The following SYNE1 variants were observed in gnomAD, a reference collection of about 807,000 sequenced individuals.
The protein encoded by SYNE1 is nesprin-1.
SYNE1 carries 616 observed loss-of-function variants against 1,111.0 expected under a neutral mutation model. That is an observed-to-expected ratio of 0.55 (90% CI 0.52 to 0.59). The LOEUF (loss-of-function observed/expected upper bound fraction) is 0.59, where lower values mean the gene tolerates loss of function less well. Among genes scored for constraint, SYNE1 ranks in the 20% least tolerant of loss-of-function variants. SYNE1 has a pLI of 0.00. For missense variants in SYNE1, 10,006 were observed against 10,417.0 expected, an observed-to-expected ratio of 0.96 and a Z score of 1.72; for synonymous variants, 3,855 against 3,825.8, an observed-to-expected ratio of 1.01 and a Z score of -0.28.
rs754506897 is a variant in SYNE1 at position 152,233,836 on chromosome 6, C to G, written c.20657G>C (p.Ser6886Thr). The change falls in exon 112 of 146, where the codon AGC becomes ACC. Residue 6886 changes from serine (S) to threonine (T), a missense_variant. Around this residue, in one of 7 missense-constraint regions of SYNE1, gnomAD observed 2,182 missense variants for 2,287.8 expected, o/e 0.95. Coordinates refer to ENST00000367255, the MANE Select transcript of SYNE1 (RefSeq NM_182961.4). Reference protein sequence around the residue: ...TLRSELSRIDSQWTDLLTNIP... With the variant: ...TLRSELSRIDTQWTDLLTNIP... ...ATTGGTTAGCAGGTCAGTCCACTGG[C>G]TATCAATGCGCGACAGCTCAGAGCG... is the stretch of plus-strand genomic sequence containing the variant. The G allele has an allele frequency of 3.7e-6, 6 of 1,614,214 alleles. No individual in the cohort carries two copies. The South Asian group carries it at 6.6e-5, about 18-fold the overall frequency.
intron 3 of SYNE1, among the ~76,000 whole-genome samples, chr6:152,619,893 A>G (rs1193011923): frequency 2.0e-5 from 3 of 152,162 alleles, no homozygotes; most frequent in African/African-American, 7.2e-5. Context: ...AATGGGCTCT[A>G]CATAAGGTAT....
intron 93 of SYNE1, among the ~76,000 whole-genome samples, chr6:152,299,609 T>G (rs1417918666): frequency 1.3e-5 from 2 of 152,060 alleles, no homozygotes; most frequent in African/African-American, 4.8e-5. Context: ...GAGTTGATAA[T>G]TTCCCTAGAG....
intron 11 of SYNE1, among the ~76,000 whole-genome samples, chr6:152,492,695 C>A (rs569278755): frequency 4.9e-4 from 75 of 152,350 alleles, no homozygotes; most frequent in Middle Eastern, 6.8e-3. Context: ...ACTGACACAG[C>A]CCAATCACCT....
At position 152,407,068 on chromosome 6, in the gene SYNE1, G is replaced by A. The variant is rs2097912384; in HGVS notation, c.6669C>T (p.Asn2223=). 1 of 1,613,544 alleles carries A rather than the reference G, an allele frequency of 6.2e-7. No homozygotes were observed. Among genetic ancestry groups the A allele is most frequent in the African/African-American group, 1.3e-5 (1 of 74,758 alleles). The change falls in exon 45 of 146, where the codon AAC becomes AAT. Residue 2223 remains asparagine (N), a synonymous_variant. Transcript: ENST00000367255. ...SNNCVPQMAE[N]ISNLDNHLRA... is the part of the protein sequence containing the mutation. The stretch of plus-strand genomic sequence containing the variant: ...TGAGGTGGTTATCCAGGTTGCTGAT[G>A]TTTTCTGCCATCTGTGGAACGCAGT...
At chr6:152,192,326 C>T (rs527484731) in intron 127 of SYNE1, among the ~76,000 whole-genome samples, 134 of 88,192 alleles carry the variant, frequency 1.5e-3, no homozygotes, top group African/African-American at 5.8e-3. Flanking sequence ...ATGATCTCTC[C>T]AATGCTAAAA....
intron 3 of SYNE1, among the ~76,000 whole-genome samples, chr6:152,578,542 A>G (rs954992514): frequency 6.6e-6 from 1 of 152,166 alleles, no homozygotes; most frequent in East Asian, 1.9e-4. Context: ...TGCAGTGAGC[A>G]GAGATTGTGC....
At chr6:152,543,616 G>A (rs2099285609) in intron 3 of SYNE1, among the ~76,000 whole-genome samples, 1 of 152,156 alleles carries the variant, frequency 6.6e-6, no homozygotes, top group South Asian at 2.1e-4. Context: ...GGTCTATAAA[G>A]TTCTTAAGTA....
intron 39 of SYNE1, among the ~76,000 whole-genome samples, chr6:152,420,233 T>C (rs2098234965): frequency 6.6e-6 from 1 of 152,202 alleles, no homozygotes; most frequent in South Asian, 2.1e-4. Flanking sequence ...CAAAATTTGC[T>C]TTTTCTTTAA....
At chr6:152,358,653 T>C (rs2096880390) in intron 65 of SYNE1, 116 bp from the exon 66 acceptor site, 1 of 975,952 alleles carries the variant, frequency 1.0e-6, no homozygotes, top group South Asian at 1.5e-5. Flanking sequence ...CATTAGAATA[T>C]GAGTTATTTC....
chr6:152,433,531 T>A, intron 34 of SYNE1: 1 of 493,532 alleles, frequency 2.0e-6, no homozygotes, highest in Non-Finnish European at 3.6e-6. Flanking sequence ...AGAATTAATG[T>A]AACCATAAAA....
In SYNE1 at chr6:152,148,202, G is replaced by A; in HGVS notation, c.24819C>T (p.Asp8273=). 6.2e-7 allele frequency: 1 copy of A among 1,614,210 alleles called. No homozygotes were observed. The highest frequency in any genetic ancestry group is 8.5e-7 in the Non-Finnish European group (1 of 1,180,032). ...GGATGGAGTCCACACTAGCCGGGGT[G>A]TCTCGTCCTGACCGCTCGCTCCGGA... The part of the protein sequence containing the change: ...QPLRSERSGR[D]TPASVDSIPL... The change falls in exon 137 of 146, where the codon GAC becomes GAT. Residue 8273 remains aspartate (D), a synonymous_variant. Coordinates refer to ENST00000367255, the MANE Select transcript of SYNE1 (RefSeq NM_182961.4). The surrounding 1 kb of genome is among the most constrained non-coding windows in gnomAD (Gnocchi z 4.1).
At chr6:152,533,446 G>A (rs755232921) in intron 4 of SYNE1, among the ~76,000 whole-genome samples, 2 of 152,014 alleles carry the variant, frequency 1.3e-5, no homozygotes, top group Non-Finnish European at 2.9e-5. Flanking sequence ...ATTGTACCAA[G>A]TTATTTATTT....
intron 128 of SYNE1, among the ~76,000 whole-genome samples, chr6:152,188,394 C>T (rs995378846): frequency 6.6e-6 from 1 of 152,012 alleles, no homozygotes; most frequent in African/African-American, 2.4e-5. Context: ...CTTTCATTTC[C>T]AACTCAAAGT....
intron 82 of SYNE1, among the ~76,000 whole-genome samples, chr6:152,323,012 A>G (rs911681512): frequency 2.0e-5 from 3 of 152,216 alleles, no homozygotes; most frequent in Admixed American, 2.0e-4. Context: ...ACTATCAGAT[A>G]TGTATTTGTC....
intron 83 of SYNE1, 76 bp downstream of exon 83, chr6:152,321,645 A>G: frequency 6.4e-7 from 1 of 1,562,576 alleles, no homozygotes; most frequent in East Asian, 2.2e-5. Context: ...ATAAATACAA[A>G]CAAGTATGTT....
chr6:152,305,127 C>T (rs1458256101), intron 91 of SYNE1, among the ~76,000 whole-genome samples: 2 of 152,132 alleles, frequency 1.3e-5, no homozygotes, highest in South Asian at 2.1e-4. Flanking sequence ...AGACAAGCAG[C>T]CCTCTGTGGC....
intron 3 of SYNE1, among the ~76,000 whole-genome samples, chr6:152,565,325 A>G (rs771538801): frequency 3.9e-5 from 6 of 152,226 alleles, no homozygotes; most frequent in Non-Finnish European, 7.3e-5. Context: ...ATTACTGGGA[A>G]TAAAGTAATC....
At chr6:152,389,549 C>A (rs1420725094) in intron 53 of SYNE1, among the ~76,000 whole-genome samples, 1 of 152,040 alleles carries the variant, frequency 6.6e-6, no homozygotes, top group Non-Finnish European at 1.5e-5. Context: ...AACAAATGAG[C>A]CAGATTATTT....
intron 101 of SYNE1, 136 bp downstream of exon 101, chr6:152,261,896 T>C (rs1271761622): frequency 6.6e-6 from 4 of 610,124 alleles, no homozygotes; most frequent in Non-Finnish European, 1.1e-5. Flanking sequence ...TTAAGAAAAA[T>C]GTAGAGTGAA....
Sources: allele counts gnomAD v4.1 joint callset (sites outside exome capture counted in the v4.1 genomes callset), GRCh38; gene constraint gnomAD v4.1.1; regional missense constraint gnomAD v4.1.1; non-coding constraint Gnocchi (gnomAD v3.1); transcripts MANE v1.5; gene names NCBI Gene and HGNC (gene_info 2026-07-23, HGNC 2026-07-21).